Variants in TSPAN9 observed in about 807,000 individuals in gnomAD.
TSPAN9 encodes tetraspanin-9.
Under a neutral mutation model 31.0 loss-of-function variants are expected in TSPAN9, and 16 were observed. That is an observed-to-expected ratio of 0.52 (90% CI 0.35 to 0.78). The LOEUF is 0.78. TSPAN9 is among the 30% of genes least tolerant of loss of function. TSPAN9 has a pLI of 0.01. For synonymous variants in TSPAN9, 145 were observed against 121.6 expected, an observed-to-expected ratio of 1.19 and a Z score of -1.27; for missense variants, 272 against 312.5, an observed-to-expected ratio of 0.87 and a Z score of 0.98.
chr12:3,227,886 G>C (rs1388357152), intron 3 of TSPAN9, among the ~76,000 whole-genome samples: 5 of 152,162 alleles, frequency 3.3e-5, no homozygotes, highest in African/African-American at 9.7e-5. Context: ...TTATAATAAT[G>C]ATCTAACGAT....
At chr12:3,182,054 T>G (rs1353197004) in intron 2 of TSPAN9, among the ~76,000 whole-genome samples, 1 of 152,058 alleles carries the variant, frequency 6.6e-6, no homozygotes, top group Non-Finnish European at 1.5e-5. Context: ...GTGTGTGATG[T>G]AGGGTAGACA....
rs765040711 is a variant in TSPAN9, at chr12:3,112,676, CT to C, written c.-18+28976del. Among the ~76,000 whole-genome samples the C allele has an allele frequency of 4.9e-4, 43 of 88,508 alleles. 1 individual carries two copies. Among genetic ancestry groups the C allele is most frequent in the South Asian group, 3.6e-3 (9 of 2,498 alleles). The allele number at this position is 88,508 out of a possible 152,430, so 58.1% of individuals were successfully genotyped here. ...TTATTCTCAATCTCATTTATTTTTG[CT>C]TTTTTTTTTTTTTTTTTTGGAGACA... On this transcript the variant is annotated intron_variant, in intron 2 of 8. Coordinates refer to ENST00000011898, the MANE Select transcript of TSPAN9 (RefSeq NM_006675.5).
At chr12:3,090,093 A>G (rs1217467816) in intron 2 of TSPAN9, among the ~76,000 whole-genome samples, 1 of 152,208 alleles carries the variant, frequency 6.6e-6, no homozygotes, top group Non-Finnish European at 1.5e-5. Flanking sequence ...TGGATAGACT[A>G]GCATCCAGCC....
intron 3 of TSPAN9, among the ~76,000 whole-genome samples, chr12:3,269,017 T>C (rs1266977741): frequency 1.2e-4 from 9 of 73,192 alleles, no homozygotes; most frequent in Non-Finnish European, 1.6e-4. Flanking sequence ...GCCCTCTCTG[T>C]GTTCCTGCAG....
intron 7 of TSPAN9, 77 bp from the exon 8 acceptor site, chr12:3,281,633 AAGAGCGAGGACGAGGTGGAAGGAG>A: frequency 7.4e-7 from 1 of 1,360,244 alleles, no homozygotes. Flanking sequence ...GCTGGGAGGT[AAGAGCGAGGACGAGGTGGAAGGAG>A]AGAGTGAGCT....
At chr12:3,278,913 C>T (rs1862846064) in intron 4 of TSPAN9, 79 bp from the exon 5 acceptor site, 1 of 1,491,354 alleles carries the variant, frequency 6.7e-7, no homozygotes. Flanking sequence ...TAGGCGCCGC[C>T]TGTCCCTGCC....
At chr12:3,087,231 C>T (rs2098300988) in intron 2 of TSPAN9, among the ~76,000 whole-genome samples, 1 of 152,144 alleles carries the variant, frequency 6.6e-6, no homozygotes, top group Admixed American at 6.5e-5. Context: ...CTCAATAGAT[C>T]AGTATAGGCC....
At chr12:3,108,628 G>A (rs139155610) in intron 2 of TSPAN9, among the ~76,000 whole-genome samples, 8 of 152,248 alleles carry the variant, frequency 5.3e-5, no homozygotes, top group African/African-American at 1.4e-4. Context: ...TTACTTCACT[G>A]ATGGTCTCCT....
intron 3 of TSPAN9, among the ~76,000 whole-genome samples, chr12:3,219,521 G>A (rs2098383179): frequency 1.3e-5 from 2 of 152,200 alleles, no homozygotes; most frequent in African/African-American, 2.4e-5. Flanking sequence ...TGCCTCAGGA[G>A]CCAAGAGTCA....
chr12:3,154,006 A>ATGTGTG (rs1283951894), intron 2 of TSPAN9, among the ~76,000 whole-genome samples: 1 of 68,694 alleles, frequency 1.5e-5, no homozygotes, highest in African/African-American at 5.0e-5. Flanking sequence ...AGTATTATAT[A>ATGTGTG]TATATGTGTG....
At position 3,283,169 on chromosome 12, in the gene TSPAN9, G is replaced by T. The variant is rs370779493; in HGVS notation, c.*53G>T. Reference sequence around the variant, plus strand: ...CCCTGCTGCCCTGTGGAGGGAAGAGGATTGAGCTTTGTGTCACCTGCCTGC... The same window carrying T: ...CCCTGCTGCCCTGTGGAGGGAAGAGTATTGAGCTTTGTGTCACCTGCCTGC... On this transcript the variant is annotated 3_prime_UTR_variant, in exon 9 of 9. Transcript: ENST00000011898. 5.0e-6 allele frequency: 8 copies of T among 1,586,788 alleles called. No individual in the cohort carries two copies. In the African/African-American group the frequency reaches 1.1e-4, roughly 21 times the overall value.
chr12:3,183,084 G>A (rs1220808526), intron 2 of TSPAN9, among the ~76,000 whole-genome samples: 1 of 152,210 alleles, frequency 6.6e-6, no homozygotes, highest in Non-Finnish European at 1.5e-5. Flanking sequence ...CATTGCTGAT[G>A]ACACATGCAA....
intron 2 of TSPAN9, among the ~76,000 whole-genome samples, chr12:3,088,492 G>A (rs2153962607): frequency 6.6e-6 from 1 of 152,358 alleles, no homozygotes; most frequent in Non-Finnish European, 1.5e-5. Context: ...CCATCATCCA[G>A]GCTGTGGCCG....
intron 3 of TSPAN9, among the ~76,000 whole-genome samples, chr12:3,265,249 T>A (rs1025868485): frequency 4.6e-5 from 7 of 152,120 alleles, no homozygotes; most frequent in Non-Finnish European, 1.0e-4. Context: ...GTGGGTCAAA[T>A]AAGGAAATTC....
At chr12:3,099,853 T>G (rs947145859) in intron 2 of TSPAN9, among the ~76,000 whole-genome samples, 6 of 150,942 alleles carry the variant, frequency 4.0e-5, no homozygotes, top group African/African-American at 1.5e-4. Context: ...TTTTTTTTTT[T>G]TTTTTTGGGA....
In TSPAN9 at chr12:3,284,979, T is replaced by C. The variant is rs1397894376; in HGVS notation, c.*1863T>C. On this transcript the variant is annotated 3_prime_UTR_variant, in exon 9 of 9. Coordinates refer to ENST00000011898, the MANE Select transcript of TSPAN9 (RefSeq NM_006675.5). Reference sequence around the variant, plus strand: ...GTTGGCATTATCAGGATTCGTGTTTTGTGGGGGTGGGAGTGGAGAGTAGGG... The same window carrying C: ...GTTGGCATTATCAGGATTCGTGTTTCGTGGGGGTGGGAGTGGAGAGTAGGG... 4 of 152,302 alleles carry C rather than the reference T, an allele frequency of 2.6e-5. No homozygotes were observed. The highest frequency in any genetic ancestry group is 9.7e-5 in the African/African-American group (4 of 41,446). 9.4% of individuals were successfully genotyped at this position (152,302 alleles called of 1,614,324 possible). A position where few individuals can be genotyped will look rare whatever the true frequency, so the allele number is the denominator to read the frequency against.
intron 3 of TSPAN9, among the ~76,000 whole-genome samples, chr12:3,254,349 G>A: frequency 6.6e-6 from 1 of 152,226 alleles, no homozygotes; most frequent in East Asian, 1.9e-4. Context: ...AATGCTGAGG[G>A]AGTCTCTTCA....
chr12:3,158,586 G>C (rs919466614), intron 2 of TSPAN9, among the ~76,000 whole-genome samples: 12 of 152,252 alleles, frequency 7.9e-5, no homozygotes, highest in African/African-American at 2.4e-4. Context: ...GCTGGGCATG[G>C]TGGCGCACGC....
chr12:3,182,964 G>T (rs1005898965), intron 2 of TSPAN9, among the ~76,000 whole-genome samples: 1 of 152,238 alleles, frequency 6.6e-6, no homozygotes, highest in Non-Finnish European at 1.5e-5. Flanking sequence ...CCCGAGGCAG[G>T]TTGAGAGCTG....
Sources: allele counts gnomAD v4.1 joint callset (sites outside exome capture counted in the v4.1 genomes callset), GRCh38; gene constraint gnomAD v4.1.1; transcripts MANE v1.5; gene names NCBI Gene and HGNC (gene_info 2026-07-23, HGNC 2026-07-21).